The following PRDM2 variants were observed in gnomAD, a reference collection of about 807,000 sequenced individuals.
PRDM2 encodes the protein PR domain zinc finger protein 2.
A neutral mutation model predicts 130.0 loss-of-function variants in PRDM2; 30 were observed. The observed-to-expected ratio is 0.23, with a 90% CI of 0.17 to 0.31. The LOEUF (loss-of-function observed/expected upper bound fraction) is 0.31, where lower values mean the gene tolerates loss of function less well. Among genes scored for constraint, PRDM2 ranks in the 10% least tolerant of loss-of-function variants. The pLI is 1.00. For synonymous variants in PRDM2, 871 were observed against 782.4 expected (o/e 1.11, Z -1.89); for missense variants, 2,011 against 2,108.4 (o/e 0.95, Z 0.90).
In PRDM2 at chr1:13,731,118, G is replaced by A; in HGVS notation, c.127+1G>A. On this transcript the variant is annotated splice_donor_variant, in intron 3 of 9. Coordinates refer to ENST00000311066, the MANE Select transcript of PRDM2 (RefSeq NM_001393986.1). LOFTEE classifies it high-confidence loss of function. ...TCTGCTGTTGACAAGACCCGGATTG[G>A]TGAGTGCTCCTCCTGTCACGGAGCA... is the stretch of plus-strand genomic sequence containing the variant. 6.2e-7 allele frequency: 1 copy of A among 1,611,448 alleles called. No homozygotes were observed. The highest frequency in any genetic ancestry group is 8.5e-7 in the Non-Finnish European group (1 of 1,178,380).
At chr1:13,715,700 T>C in intron 2 of PRDM2, 86 bp downstream of exon 2, 1 of 1,199,064 alleles carries the variant, frequency 8.3e-7, no homozygotes, top group Non-Finnish European at 1.2e-6. Context: ...AGCACACACA[T>C]TCATTTCTCC....
chr1:13,815,626 G>T (rs1463054493), intron 8 of PRDM2, among the ~76,000 whole-genome samples: 1 of 152,166 alleles, frequency 6.6e-6, no homozygotes, highest in Non-Finnish European at 1.5e-5. Flanking sequence ...TCCCAGCTGG[G>T]CTATGAAAGA....
chr1:13,722,816 A>C, intron 2 of PRDM2: 1 of 516,278 alleles, frequency 1.9e-6, no homozygotes, highest in Non-Finnish European at 3.9e-6. Flanking sequence ...CAATGACTAG[A>C]TTTTATTTAG....
chr1:13,781,961 C>T lies in PRDM2; in HGVS notation c.4166C>T (p.Ser1389Phe), dbSNP rs1475648783. 5 of 1,614,024 alleles carry T rather than the reference C, an allele frequency of 3.1e-6. No individual in the cohort carries two copies. The highest frequency in any genetic ancestry group is 4.2e-6 in the Non-Finnish European group (5 of 1,180,040). The change falls in exon 8 of 10, where the codon TCT (serine) becomes TTT (phenylalanine). Residue 1389 changes from serine to phenylalanine, a missense_variant. Ser to Phe is a radical substitution (Grantham distance 155, BLOSUM62 -2). Coordinates refer to ENST00000311066, the MANE Select transcript of PRDM2 (RefSeq NM_001393986.1). The surrounding 1 kb of genome is among the most constrained non-coding windows in gnomAD (Gnocchi z 6.1). ...AATGGCGTGGTGGTTTTAGATAACT[C>T]TGGGAAAAATGCCTTCCGACGAATG... Reference protein sequence around the residue: ...PKNGVVVLDNSGKNAFRRMGQ... With the variant: ...PKNGVVVLDNFGKNAFRRMGQ...
intron 8 of PRDM2, 62 bp from the exon 9 acceptor site, chr1:13,816,365 C>T: frequency 1.3e-6 from 2 of 1,590,572 alleles, no homozygotes; most frequent in Non-Finnish European, 1.7e-6. Context: ...GCCCCCCCAG[C>T]AATGTCTAGG....
intron 9 of PRDM2, among the ~76,000 whole-genome samples, chr1:13,821,024 A>G (rs528154239): frequency 1.0e-5 from 1 of 96,972 alleles, no homozygotes; most frequent in Non-Finnish European, 2.1e-5. Context: ...TCCCCCGCAA[A>G]CAGCCCTTTC....
intron 8 of PRDM2, among the ~76,000 whole-genome samples, chr1:13,802,548 C>G (rs1024410350): frequency 2.6e-5 from 4 of 152,196 alleles, no homozygotes; most frequent in Admixed American, 2.0e-4. Flanking sequence ...CAACTCCAAA[C>G]CACACACGGG....
At chr1:13,785,931 C>T (rs558428777) in intron 8 of PRDM2, among the ~76,000 whole-genome samples, 90 of 151,164 alleles carry the variant, frequency 6.0e-4, no homozygotes, top group African/African-American at 1.9e-3. Context: ...CTCTGCCTCC[C>T]GGGTTCACGC....
intron 4 of PRDM2, among the ~76,000 whole-genome samples, chr1:13,735,659 C>T (rs1208572064): frequency 1.3e-5 from 2 of 152,166 alleles, no homozygotes; most frequent in African/African-American, 4.8e-5. Flanking sequence ...CTGCCTTCCC[C>T]ATTATCAACA....
rs757420636 is a variant in PRDM2 at position 13,782,145 on chromosome 1, T to C, written c.4350T>C (p.Cys1450=). The C allele has an allele frequency of 6.2e-7, 1 of 1,613,934 alleles. No individual in the cohort carries two copies. The highest frequency in any genetic ancestry group is 8.5e-7 in the Non-Finnish European group (1 of 1,180,026). ...AGAAGGCCGACTTGAAAAATGCTTG[T>C]GAGTCATCCTCTCACATCTGCCCTT... ...AKQKADLKNA[C]ESSSHICPYC... is the part of the protein sequence containing the mutation. The change falls in exon 8 of 10, where the codon TGT becomes TGC. Residue 1450 remains cysteine, a synonymous_variant. Transcript: ENST00000311066.
chr1:13,804,156 T>G (rs917072444), intron 8 of PRDM2, among the ~76,000 whole-genome samples: 1 of 152,084 alleles, frequency 6.6e-6, no homozygotes, highest in Non-Finnish European at 1.5e-5. Context: ...AAAGGGAGGA[T>G]GACATGAAGA....
chr1:13,727,110 C>T (rs896048878), intron 2 of PRDM2, among the ~76,000 whole-genome samples: 1 of 152,126 alleles, frequency 6.6e-6, no homozygotes, highest in African/African-American at 2.4e-5. Flanking sequence ...GGTCTTTTTG[C>T]CTGGATACTG....
intron 6 of PRDM2, among the ~76,000 whole-genome samples, chr1:13,754,376 G>C (rs777911536): frequency 6.6e-6 from 1 of 152,174 alleles, no homozygotes; most frequent in African/African-American, 2.4e-5. Context: ...GTCAGACTTA[G>C]TGGGTGTTCT....
At chr1:13,767,019 C>T (rs1316738927) in intron 6 of PRDM2, among the ~76,000 whole-genome samples, 1 of 152,136 alleles carries the variant, frequency 6.6e-6, no homozygotes, top group Non-Finnish European at 1.5e-5. Context: ...TCATGTGACG[C>T]TTTAGGCAAT....
intron 1 of PRDM2, among the ~76,000 whole-genome samples, chr1:13,708,921 T>G (rs558061942): frequency 6.6e-6 from 1 of 152,342 alleles, no homozygotes; most frequent in South Asian, 2.1e-4. Context: ...GGTTTGATTT[T>G]TCACTTTATT....
chr1:13,729,837 C>G (rs1035476714), intron 2 of PRDM2, among the ~76,000 whole-genome samples: 1 of 152,142 alleles, frequency 6.6e-6, no homozygotes, highest in Non-Finnish European at 1.5e-5. Context: ...GAGCTTGAAG[C>G]AGGCCAGAGA....
At chr1:13,722,904 T>C in intron 2 of PRDM2, 1 of 505,676 alleles carries the variant, frequency 2.0e-6, no homozygotes, top group South Asian at 1.4e-5. Context: ...AGAAGTTGAA[T>C]GTAGAGTAGC....
Position 13,782,654 on chromosome 1 carries a change from C to G in PRDM2, c.4859C>G (p.Ala1620Gly), listed in dbSNP as rs762850235. The G allele has an allele frequency of 3.7e-6, 6 of 1,614,140 alleles. No individual in the cohort carries two copies. The highest frequency in any genetic ancestry group is 4.2e-6 in the Non-Finnish European group (5 of 1,180,038). ...SLHVRVQKSK[A>G]VLQSKSTLAS... Reference sequence around the variant, plus strand: ...CACGTGAGGGTACAGAAAAGCAAAGCTGTTTTACAAAGCAAATCCACCTTG... The same window carrying G: ...CACGTGAGGGTACAGAAAAGCAAAGGTGTTTTACAAAGCAAATCCACCTTG... The change falls in exon 8 of 10, where the codon GCT (alanine) becomes GGT (glycine). Residue 1620 changes from alanine (A) to glycine (G), a missense_variant. Around this residue, in one of 5 missense-constraint regions of PRDM2, gnomAD observed 410 missense variants for 395.9 expected, o/e 1.04. Coordinates refer to ENST00000311066, the MANE Select transcript of PRDM2 (RefSeq NM_001393986.1).
rs534576407 is a variant in PRDM2, at chr1:13,736,234, G to A, written c.231+3352G>A. ...AGTGATCTTCCTGCCTCAGCCTCCCGAGTAGCTGGGACAGGCCTGTGCCAC... is the reference window on the plus strand; with the variant it reads ...AGTGATCTTCCTGCCTCAGCCTCCCAAGTAGCTGGGACAGGCCTGTGCCAC... On this transcript the variant is annotated intron_variant, in intron 4 of 9. Transcript: ENST00000311066. 6.0e-5 allele frequency among the ~76,000 whole-genome samples: 9 copies of A among 151,244 alleles called. No homozygotes were observed. The East Asian group carries it at 7.8e-4, about 13-fold the overall frequency.
Sources: gnomAD v4.1 joint callset for allele counts (sites outside exome capture counted in the v4.1 genomes callset) on GRCh38, gnomAD v4.1.1 for gene constraint, gnomAD v4.1.1 regional missense constraint, Gnocchi (gnomAD v3.1) non-coding constraint, MANE v1.5 for transcripts, NCBI Gene and HGNC (gene_info 2026-07-23, HGNC 2026-07-21) for gene names.